CPT1A: variants seen among roughly 807,000 people sequenced by gnomAD.
The protein encoded by CPT1A is carnitine O-palmitoyltransferase 1, liver isoform.
Under a neutral mutation model 100.8 loss-of-function variants are expected in CPT1A, and 64 were observed. The observed-to-expected ratio is 0.63, with a 90% CI of 0.52 to 0.78. The LOEUF is 0.78. Ranked by LOEUF, CPT1A falls within the 30% of genes least tolerant of loss-of-function variation. CPT1A has a pLI of 0.00. For missense variants in CPT1A, 802 were observed against 1,034.1 expected, an observed-to-expected ratio of 0.78 and a Z score of 3.08; for synonymous variants, 363 against 396.0, an observed-to-expected ratio of 0.92 and a Z score of 0.99.
Position 68,807,338 on chromosome 11 carries a change from G to C in CPT1A, c.453+129C>G, listed in dbSNP as rs1856072075. 4.2e-6 allele frequency: 4 copies of C among 941,872 alleles called. No homozygotes were observed. The East Asian group carries it at 1.0e-4, about 25-fold the overall frequency. The allele number at this position is 941,872 out of a possible 1,614,324, so 58.3% of individuals were successfully genotyped here. A position where few individuals can be genotyped will look rare whatever the true frequency, so the allele number is the denominator to read the frequency against. On this transcript the variant is annotated intron_variant, in intron 4 of 18. Transcript: ENST00000265641. The stretch of plus-strand genomic sequence containing the variant: ...ACTCAAACCTCTCCAGCCATTCAAG[G>C]TTGAGGCCCAAGTCACCAACCAAGC...
intron 14 of CPT1A, among the ~76,000 whole-genome samples, chr11:68,772,343 G>C (rs1478357495): frequency 6.6e-6 from 1 of 152,164 alleles, no homozygotes; most frequent in Non-Finnish European, 1.5e-5. Flanking sequence ...ACAAGAGTGA[G>C]ATTCTGTCTC....
chr11:68,782,932 G>A (rs1467838601), intron 10 of CPT1A, among the ~76,000 whole-genome samples: 1 of 152,172 alleles, frequency 6.6e-6, no homozygotes, highest in Non-Finnish European at 1.5e-5. Flanking sequence ...CGGGACCGAG[G>A]CGCCTACAGA....
intron 4 of CPT1A, among the ~76,000 whole-genome samples, chr11:68,805,920 G>A (rs1449738289): frequency 6.6e-6 from 1 of 152,210 alleles, no homozygotes; most frequent in Non-Finnish European, 1.5e-5. Flanking sequence ...CCGCCTGCAG[G>A]GGGTCACAGG....
At chr11:68,771,058 T>A (rs148411762) in intron 14 of CPT1A, among the ~76,000 whole-genome samples, 1 of 152,318 alleles carries the variant, frequency 6.6e-6, no homozygotes, top group African/African-American at 2.4e-5. Context: ...TTGCAGCTCA[T>A]TCCCACACCT....
chr11:68,802,989 G>A (rs541067506), intron 5 of CPT1A, among the ~76,000 whole-genome samples: 1 of 152,152 alleles, frequency 6.6e-6, no homozygotes, highest in South Asian at 2.1e-4. Context: ...CCTTGCCCCT[G>A]GGGGCCTGGC....
rs563625350 is a variant in CPT1A at position 68,823,259 on chromosome 11, C to T, written c.-13-7772G>A. Among the ~76,000 whole-genome samples the T allele has an allele frequency of 4.6e-5, 7 of 151,826 alleles. No individual in the cohort carries two copies. In the South Asian group the frequency reaches 1.5e-3, roughly 32 times the overall value. ...AGCAAGACCCTGTCTCAAAAAAAAC[C>T]CAAACTCACCGAAGTGTACATTTTA... is the stretch of plus-strand genomic sequence containing the variant. On this transcript the variant is annotated intron_variant, in intron 1 of 18. Coordinates refer to ENST00000265641, the MANE Select transcript of CPT1A (RefSeq NM_001876.4).
At chr11:68,838,535 C>G (rs1305619292) in intron 1 of CPT1A, among the ~76,000 whole-genome samples, 1 of 130,600 alleles carries the variant, frequency 7.7e-6, no homozygotes, top group African/African-American at 2.9e-5. Flanking sequence ...AGAGGGGAAC[C>G]AAGTGAGAAG....
chr11:68,782,217 G>T (rs1383559292), intron 10 of CPT1A, among the ~76,000 whole-genome samples: 1 of 152,092 alleles, frequency 6.6e-6, no homozygotes, highest in East Asian at 1.9e-4. Flanking sequence ...TTGCAGGCTG[G>T]CCCCGTGGGC....
intron 1 of CPT1A, among the ~76,000 whole-genome samples, chr11:68,835,117 A>G (rs1374806149): frequency 1.3e-5 from 2 of 152,244 alleles, no homozygotes; most frequent in Non-Finnish European, 2.9e-5. Context: ...AAAAGCCACA[A>G]AGATTCACAA....
At chr11:68,843,436 T>C (rs1484188211), upstream of CPT1A, among the ~76,000 whole-genome samples, 1 of 150,336 alleles carries the variant, frequency 6.7e-6, no homozygotes, top group African/African-American at 2.4e-5. The surrounding 1 kb of genome is among the most constrained non-coding windows in gnomAD (Gnocchi z 4.0). Flanking sequence ...AGCTCCTGAT[T>C]ATCCTGTAGG....
intron 1 of CPT1A, among the ~76,000 whole-genome samples, chr11:68,822,640 C>A (rs1716949642): frequency 6.6e-6 from 1 of 152,028 alleles, no homozygotes; most frequent in Non-Finnish European, 1.5e-5. Flanking sequence ...CAAAAGTCTG[C>A]ACACGAACAC....
At chr11:68,788,630 T>TTAAAA (rs746681111) in intron 9 of CPT1A, among the ~76,000 whole-genome samples, 7 of 27,552 alleles carry the variant, frequency 2.5e-4, no homozygotes, top group Admixed American at 1.1e-3. Context: ...CAAACAAAAG[T>TTAAAA]AAAAAAAAAA....
Position 68,780,531 on chromosome 11 carries a change from G to A in CPT1A, c.1458+109C>T, listed in dbSNP as rs908433804. On this transcript the variant is annotated intron_variant, in intron 12 of 18. Coordinates refer to ENST00000265641, the MANE Select transcript of CPT1A (RefSeq NM_001876.4). Reference sequence around the variant, plus strand: ...ACTCCTGACCTCAGGTGATCTGCCCGCCTCGGCCTCCCAAAGTGCTGGGAT... The same window carrying A: ...ACTCCTGACCTCAGGTGATCTGCCCACCTCGGCCTCCCAAAGTGCTGGGAT... The A allele has an allele frequency of 1.2e-5, 11 of 885,052 alleles. No individual in the cohort carries two copies. The highest frequency in any genetic ancestry group is 2.0e-5 in the Admixed American group (1 of 51,088). 54.8% of individuals were successfully genotyped at this position (885,052 alleles called of 1,614,324 possible).
intron 6 of CPT1A, among the ~76,000 whole-genome samples, chr11:68,798,489 C>T (rs760133525): frequency 1.3e-5 from 2 of 152,282 alleles, no homozygotes; most frequent in South Asian, 4.1e-4. Flanking sequence ...TAGACTCCCT[C>T]CCTTGCTTTG....
chr11:68,811,152 G>A (rs919509026), intron 3 of CPT1A, among the ~76,000 whole-genome samples: 8 of 152,286 alleles, frequency 5.3e-5, no homozygotes, highest in Admixed American at 4.6e-4. Context: ...GCTTAGCCCA[G>A]ACCCGGCATT....
chr11:68,822,060 C>T (rs1212984960), intron 1 of CPT1A, among the ~76,000 whole-genome samples: 1 of 152,134 alleles, frequency 6.6e-6, no homozygotes, highest in African/African-American at 2.4e-5. Context: ...GGCAAACAGT[C>T]TGTCCGTTCC....
At chr11:68,788,630 T>TTAAAAAAA (rs746681111) in intron 9 of CPT1A, among the ~76,000 whole-genome samples, 3 of 27,548 alleles carry the variant, frequency 1.1e-4, no homozygotes, top group Admixed American at 1.1e-3. Flanking sequence ...CAAACAAAAG[T>TTAAAAAAA]AAAAAAAAAA....
At position 68,793,191 on chromosome 11, in the gene CPT1A, C is replaced by T. The variant is rs1855664343; in HGVS notation, c.967+124G>A. ...AAGGAAATTCAGCAGAAGGAATGTT[C>T]ACCAGCCTACAATCTCAGGAAGGGT... is the stretch of plus-strand genomic sequence containing the variant. On this transcript the variant is annotated intron_variant, in intron 9 of 18. Transcript: ENST00000265641. 7.7e-6 allele frequency: 5 copies of T among 653,026 alleles called. No homozygotes were observed. The Admixed American group carries it at 1.2e-4, about 15-fold the overall frequency. The allele number at this position is 653,026 out of a possible 1,614,324, so 40.5% of individuals were successfully genotyped here. A position where few individuals can be genotyped will look rare whatever the true frequency, so the allele number is the denominator to read the frequency against.
At chr11:68,760,113 G>A (rs1447211116) in intron 17 of CPT1A, 112 bp downstream of exon 17, 10 of 750,790 alleles carry the variant, frequency 1.3e-5, no homozygotes, top group South Asian at 4.4e-5. Flanking sequence ...CCTTTACGGC[G>A]GTAGAACCGC....
Sources: gnomAD v4.1 joint callset for allele counts (sites outside exome capture counted in the v4.1 genomes callset) on GRCh38, gnomAD v4.1.1 for gene constraint, Gnocchi (gnomAD v3.1) non-coding constraint, MANE v1.5 for transcripts, NCBI Gene and HGNC (gene_info 2026-07-23, HGNC 2026-07-21) for gene names.